The following PCDHGA1 variants were observed in gnomAD, a reference collection of about 807,000 sequenced individuals.
PCDHGA1 encodes protocadherin gamma-A1.
A neutral mutation model predicts 58.0 loss-of-function variants in PCDHGA1; 32 were observed. The observed-to-expected ratio is 0.55, with a 90% CI of 0.42 to 0.74. PCDHGA1 has a LOEUF of 0.74. Ranked by LOEUF, PCDHGA1 falls within the 30% of genes least tolerant of loss-of-function variation. The pLI, the probability that PCDHGA1 is intolerant of heterozygous loss-of-function variation, is 0.00. For synonymous variants in PCDHGA1, 498 were observed against 501.1 expected (o/e 0.99, Z 0.08); for missense variants, 1,205 against 1,182.3 (o/e 1.02, Z -0.28).
intron 1 of PCDHGA1, chr5:141,383,616 G>A (rs750574958): frequency 2.5e-6 from 4 of 1,613,808 alleles, no homozygotes; most frequent in Non-Finnish European, 3.4e-6. Flanking sequence ...ATGACCACAC[G>A]CCTGTCTTCT....
intron 1 of PCDHGA1, chr5:141,409,367 G>A: frequency 1.9e-6 from 3 of 1,614,000 alleles, no homozygotes; most frequent in Non-Finnish European, 2.5e-6. Context: ...TATAGAAACA[G>A]ACATTCCATT....
chr5:141,413,089 C>CTT, intron 1 of PCDHGA1: 1 of 1,401,124 alleles, frequency 7.1e-7, no homozygotes, highest in South Asian at 1.4e-5. Flanking sequence ...TACAGAGACA[C>CTT]CCTGAAGCCA....
chr5:141,421,731 C>A (rs73792198), intron 1 of PCDHGA1: 144,261 of 1,613,668 alleles, frequency 0.089, 7,407 homozygotes, highest in African/African-American at 0.18. Flanking sequence ...TGAACTCCCT[C>A]CAGAGCTACC....
chr5:141,511,400 T>A lies in PCDHGA1; in HGVS notation c.*227T>A, dbSNP rs1208021848. On this transcript the variant is annotated 3_prime_UTR_variant, in exon 4 of 4. Coordinates refer to ENST00000517417, the MANE Select transcript of PCDHGA1 (RefSeq NM_018912.3). ...AGTTCCGCTGGGAACCCCCATCCAA[T>A]CAACTGCTGTACCCATGGGGGTAGT... 1.1e-5 allele frequency: 11 copies of A among 982,132 alleles called. No individual in the cohort carries two copies. Among genetic ancestry groups the A allele is most frequent in the African/African-American group, 3.3e-5 (2 of 60,924 alleles). 60.8% of individuals were successfully genotyped at this position (982,132 alleles called of 1,614,324 possible).
At position 141,500,184 on chromosome 5, in the gene PCDHGA1, TTTTATTTATTTATTTA is replaced by T. The variant is rs58019021; in HGVS notation, c.2481-5182_2481-5167del. Among the ~76,000 whole-genome samples the T allele has an allele frequency of 2.1e-3, 289 of 135,964 alleles. 1 individual carries two copies. Among genetic ancestry groups the T allele is most frequent in the Middle Eastern group, 0.016 (4 of 248 alleles). The allele number at this position is 135,964 out of a possible 152,430, so 89.2% of individuals were successfully genotyped here. A position where few individuals can be genotyped will look rare whatever the true frequency, so the allele number is the denominator to read the frequency against. On this transcript the variant is annotated intron_variant, in intron 2 of 3. Coordinates refer to ENST00000517417, the MANE Select transcript of PCDHGA1 (RefSeq NM_018912.3). ...GAACATGCATGAGCTTCATTTTTAT[TTTTATTTATTTATTTA>T]TTTATTTATTTATTTATTTATTTAT...
rs2099748032 is a variant in PCDHGA1 at position 141,493,397 on chromosome 5, G to A, written c.2422-1410G>A. ...TTAAAAGCTTGAGGACAGGAGAGGG[G>A]AGTTGCCTCTGCTGGGATTTTGCTT... On this transcript the variant is annotated intron_variant, in intron 1 of 3. Coordinates refer to ENST00000517417, the MANE Select transcript of PCDHGA1 (RefSeq NM_018912.3). This position sits in a 1 kb window ranked among gnomAD's most constrained non-coding sequence, Gnocchi z 4.3. Among the ~76,000 whole-genome samples the A allele has an allele frequency of 6.6e-6, 1 of 152,176 alleles. No individual in the cohort carries two copies. Among genetic ancestry groups the A allele is most frequent in the Non-Finnish European group, 1.5e-5 (1 of 68,040 alleles).
intron 2 of PCDHGA1, among the ~76,000 whole-genome samples, chr5:141,495,550 G>A (rs999176899): frequency 6.6e-6 from 1 of 151,958 alleles, no homozygotes; most frequent in Non-Finnish European, 1.5e-5. Context: ...TCTCTATCTC[G>A]CTTTGCAATC....
Position 141,485,190 on chromosome 5 carries a change from G to C in PCDHGA1, c.2422-9617G>C. 6.2e-7 allele frequency: 1 copy of C among 1,613,920 alleles called. No individual in the cohort carries two copies. Among genetic ancestry groups the C allele is most frequent in the Non-Finnish European group, 8.5e-7 (1 of 1,179,788 alleles). Reference sequence around the variant, plus strand: ...GCGGCAGCAATGCTCCGCAAGGTGAGAAGCTGGACAGAAATCTGGCGGTGG... The same window carrying C: ...GCGGCAGCAATGCTCCGCAAGGTGACAAGCTGGACAGAAATCTGGCGGTGG... On this transcript the variant is annotated intron_variant, in intron 1 of 3. Coordinates refer to ENST00000517417, the MANE Select transcript of PCDHGA1 (RefSeq NM_018912.3). This position sits in a 1 kb window ranked among gnomAD's most constrained non-coding sequence, Gnocchi z 5.7.
At chr5:141,375,993 C>G in intron 1 of PCDHGA1, 1 of 1,613,468 alleles carries the variant, frequency 6.2e-7, no homozygotes, top group Non-Finnish European at 8.5e-7. Flanking sequence ...GACAGAGACG[C>G]GCTCAAGCAG....
In PCDHGA1 at chr5:141,375,370, A is replaced by T. The variant is rs772477616; in HGVS notation, c.2421+42265A>T. ...CTGTGACAGCCACGGACAAAGGAAC[A>T]CCACCTCTGTCTACAGAAACAATCA... On this transcript the variant is annotated intron_variant, in intron 1 of 3. Transcript: ENST00000517417. The T allele has an allele frequency of 2.5e-6, 4 of 1,613,890 alleles. No individual in the cohort carries two copies. In the South Asian group the frequency reaches 4.4e-5, roughly 18 times the overall value.
chr5:141,511,361 G>C lies in PCDHGA1; in HGVS notation c.*188G>C, dbSNP rs2099883750. 7.4e-7 allele frequency: 1 copy of C among 1,345,388 alleles called. No individual in the cohort carries two copies. Among genetic ancestry groups the C allele is most frequent in the Non-Finnish European group, 9.9e-7 (1 of 1,006,550 alleles). The allele number at this position is 1,345,388 out of a possible 1,614,324, so 83.3% of individuals were successfully genotyped here. On this transcript the variant is annotated 3_prime_UTR_variant, in exon 4 of 4. Transcript: ENST00000517417. ...CCTACCCCTTCCCCCCCAGGGGGTTGAATATGCAAAAGCAGTTCCGCTGGG... is the reference window on the plus strand; with the variant it reads ...CCTACCCCTTCCCCCCCAGGGGGTTCAATATGCAAAAGCAGTTCCGCTGGG...
In PCDHGA1 at chr5:141,485,049, G is replaced by C. The variant is rs1271101804; in HGVS notation, c.2422-9758G>C. On this transcript the variant is annotated intron_variant, in intron 1 of 3. Coordinates refer to ENST00000517417, the MANE Select transcript of PCDHGA1 (RefSeq NM_018912.3). The surrounding 1 kb of genome is among the most constrained non-coding windows in gnomAD (Gnocchi z 5.7). ...AACGGCGCGTAACCCTTGCGGCGCC[G>C]GCCGAACCGCGCCAGAGCTGGCGCG... 1 of 780,438 alleles carries C rather than the reference G, an allele frequency of 1.3e-6. No homozygotes were observed. The highest frequency in any genetic ancestry group is 2.1e-6 in the Non-Finnish European group (1 of 469,234). The allele number at this position is 780,438 out of a possible 1,614,324, so 48.3% of individuals were successfully genotyped here. A position where few individuals can be genotyped will look rare whatever the true frequency, so the allele number is the denominator to read the frequency against.
chr5:141,410,664 A>G, intron 1 of PCDHGA1: 1 of 1,570,058 alleles, frequency 6.4e-7, no homozygotes, highest in Non-Finnish European at 8.6e-7. Context: ...ATAGTCTACT[A>G]GTTTCTCATA....
At chr5:141,475,815 C>T (rs2099373124) in intron 1 of PCDHGA1, 1 of 340,648 alleles carries the variant, frequency 2.9e-6, no homozygotes, top group Non-Finnish European at 5.3e-6. Flanking sequence ...AAGTGAAGTT[C>T]CTGGCGCTAG....
At chr5:141,375,155 G>T in intron 1 of PCDHGA1, 1 of 1,613,962 alleles carries the variant, frequency 6.2e-7, no homozygotes, top group South Asian at 1.1e-5. Context: ...AACAATTGCT[G>T]AAAGTGCACC....
At chr5:141,352,117 G>A (rs1437830305) in intron 1 of PCDHGA1, 3 of 1,608,576 alleles carry the variant, frequency 1.9e-6, no homozygotes, top group Admixed American at 3.4e-5. Flanking sequence ...GGTTGCGCAC[G>A]GGTGAGGTGC....
At chr5:141,443,317 C>A (rs898636207) in intron 1 of PCDHGA1, among the ~76,000 whole-genome samples, 39 of 142,046 alleles carry the variant, frequency 2.7e-4, no homozygotes, top group Non-Finnish European at 2.5e-4. Context: ...CCCATCTCTA[C>A]AAAAAAAAAA....
intron 1 of PCDHGA1, among the ~76,000 whole-genome samples, chr5:141,369,555 A>C (rs1302531724): frequency 6.6e-6 from 1 of 152,218 alleles, no homozygotes; most frequent in Non-Finnish European, 1.5e-5. Flanking sequence ...AGACACTTGG[A>C]AACAAAGGAA....
At chr5:141,343,326 C>CT (rs1561486328) in intron 1 of PCDHGA1, 2 of 980,058 alleles carry the variant, frequency 2.0e-6, no homozygotes. Context: ...TGTTTCTTTT[C>CT]TTTTTTTCCT....
Sources: gnomAD v4.1 joint callset for allele counts (sites outside exome capture counted in the v4.1 genomes callset) on GRCh38, gnomAD v4.1.1 for gene constraint, Gnocchi (gnomAD v3.1) non-coding constraint, MANE v1.5 for transcripts, NCBI Gene and HGNC (gene_info 2026-07-23, HGNC 2026-07-21) for gene names.